The following ZNF211 variants were observed in gnomAD, a reference collection of about 807,000 sequenced individuals.
ZNF211 encodes the protein zinc finger protein 211.
In ZNF211, 18 loss-of-function variants were observed where a neutral mutation model predicts 12.1. The ratio of observed to expected loss-of-function variants is 1.48; its 90% confidence interval spans 1.03 to 2.20. The LOEUF (loss-of-function observed/expected upper bound fraction) is 2.20. ZNF211 is among the 30% of genes most tolerant of loss of function. The probability of loss-of-function intolerance (pLI) is 0.00; values close to 1 mark genes in which losing one functional copy is unlikely to be tolerated. For missense variants in ZNF211, 677 were observed against 703.1 expected, an observed-to-expected ratio of 0.96 and a Z score of 0.42; for synonymous variants, 249 against 246.0, an observed-to-expected ratio of 1.01 and a Z score of -0.11.
chr19:57,640,006 A>C, intron 3 of ZNF211: 4 of 1,536,034 alleles, frequency 2.6e-6, no homozygotes, highest in Non-Finnish European at 3.5e-6. Flanking sequence ...CAGCCTCAGC[A>C]AGATGGGATC....
At chr19:57,635,189 A>T (rs1981979271) in intron 3 of ZNF211, among the ~76,000 whole-genome samples, 1 of 152,224 alleles carries the variant, frequency 6.6e-6, no homozygotes, top group Admixed American at 6.5e-5. Flanking sequence ...CCGCAGAGAC[A>T]TTACACAGAC....
chr19:57,640,175 A>G, intron 3 of ZNF211: 2 of 1,285,016 alleles, frequency 1.6e-6, no homozygotes, highest in Non-Finnish European at 1.0e-6. Context: ...ACAGTTTACA[A>G]ACTTGTTATT....
Position 57,635,318 on chromosome 19 carries a change from C to A in ZNF211, c.256+563C>A, listed in dbSNP as rs539704160. 2.6e-5 allele frequency among the ~76,000 whole-genome samples: 4 copies of A among 152,296 alleles called. No individual in the cohort carries two copies. In the South Asian group the frequency reaches 8.3e-4, roughly 32 times the overall value. Reference sequence around the variant, plus strand: ...TATAGTTCAGCGCATTTAGTACATTCGCATTATTGTGCAACCATCACCACC... The same window carrying A: ...TATAGTTCAGCGCATTTAGTACATTAGCATTATTGTGCAACCATCACCACC... On this transcript the variant is annotated intron_variant, in intron 3 of 3. Transcript: ENST00000240731.
At position 57,642,093 on chromosome 19, in the gene ZNF211, C is replaced by T; in HGVS notation, c.1646C>T (p.Pro549Leu). 1.9e-6 allele frequency: 3 copies of T among 1,614,128 alleles called. No homozygotes were observed. Among genetic ancestry groups the T allele is most frequent in the Non-Finnish European group, 2.5e-6 (3 of 1,179,972 alleles). ...CGCAGAGTTCACACGGGAAAAAGGC[C>T]TTATCAGTGCAGTCAATGTGGGAAA... is the stretch of plus-strand genomic sequence containing the variant. ...QHRRVHTGKR[P>L]YQCSQCGKSF... is the part of the protein sequence containing the mutation. Residue 549 changes from proline (P) to leucine (L), a missense_variant, in exon 4 of 4, where the codon CCT becomes CTT. Transcript: ENST00000240731.
Position 57,642,314 on chromosome 19 carries a change from G to A in ZNF211, c.*133G>A. ...GTGGGCGGATTCCCCTTAAGTTCCA[G>A]GTATGTGTTACACTTTCTAACATGC... is the stretch of plus-strand genomic sequence containing the variant. On this transcript the variant is annotated 3_prime_UTR_variant, in exon 4 of 4. Coordinates refer to ENST00000240731, the MANE Select transcript of ZNF211 (RefSeq NM_006385.5). 9.9e-7 allele frequency: 1 copy of A among 1,012,594 alleles called. No individual in the cohort carries two copies. Among genetic ancestry groups the A allele is most frequent in the South Asian group, 1.7e-5 (1 of 57,454 alleles). The allele number at this position is 1,012,594 out of a possible 1,614,324, so 62.7% of individuals were successfully genotyped here. A position where few individuals can be genotyped will look rare whatever the true frequency, so the allele number is the denominator to read the frequency against.
intron 1 of ZNF211, 125 bp downstream of exon 1, chr19:57,633,561 C>G: frequency 6.7e-7 from 1 of 1,500,212 alleles, no homozygotes; most frequent in Non-Finnish European, 8.9e-7. Context: ...GCCCCTATTT[C>G]TGACATCCGA....
Position 57,641,528 on chromosome 19 carries a change from A to T in ZNF211, c.1081A>T (p.Lys361Ter), listed in dbSNP as rs775821806. The change falls in exon 4 of 4, where the codon AAA (lysine) becomes TAA (stop). Residue 361 changes from lysine (K) to a stop codon, truncating the protein, a stop_gained. Transcript: ENST00000240731. LOFTEE classifies it low-confidence loss of function (END_TRUNC). ...ERPYECGECG[K>*]SFSQRSNLMQ... ...GCCTTATGAATGTGGGGAATGTGGGAAATCTTTTAGCCAAAGGTCCAACCT... is the reference window on the plus strand; with the variant it reads ...GCCTTATGAATGTGGGGAATGTGGGTAATCTTTTAGCCAAAGGTCCAACCT... The T allele has an allele frequency of 6.2e-7, 1 of 1,614,208 alleles. No individual in the cohort carries two copies. The highest frequency in any genetic ancestry group is 1.7e-5 in the Admixed American group (1 of 60,022).
In ZNF211 at chr19:57,641,937, G is replaced by A; in HGVS notation, c.1490G>A (p.Ser497Asn). 1.9e-6 allele frequency: 3 copies of A among 1,614,122 alleles called. No homozygotes were observed. Among genetic ancestry groups the A allele is most frequent in the Non-Finnish European group, 2.5e-6 (3 of 1,180,024 alleles). The change falls in exon 4 of 4, where the codon AGT becomes AAT. Residue 497 changes from serine (S) to asparagine (N), a missense_variant. By Grantham distance (46) the Ser-to-Asn change is conservative. Transcript: ENST00000240731. ...VHTGERPVEC[S>N]ECSKSFSCKS... ...ACTGGAGAAAGACCTGTTGAGTGCA[G>A]TGAATGTAGCAAATCCTTTAGCTGT...
intron 3 of ZNF211, among the ~76,000 whole-genome samples, chr19:57,639,713 A>G (rs1982628710): frequency 1.3e-5 from 2 of 152,044 alleles, no homozygotes; most frequent in South Asian, 4.1e-4. Flanking sequence ...GGTGTGAGCC[A>G]CCACGCCCAG....
At position 57,640,908 on chromosome 19, in the gene ZNF211, G is replaced by A. The variant is rs1476268922; in HGVS notation, c.461G>A (p.Gly154Glu). 1 of 1,614,122 alleles carries A rather than the reference G, an allele frequency of 6.2e-7. No individual in the cohort carries two copies. Among genetic ancestry groups the A allele is most frequent in the Admixed American group, 1.7e-5 (1 of 60,008 alleles). The change falls in exon 4 of 4, where the codon GGA (glycine) becomes GAA (glutamate). Residue 154 changes from glycine (G) to glutamate (E), a missense_variant. By Grantham distance (98) the Gly-to-Glu change is moderately conservative (BLOSUM62 -2). Coordinates refer to ENST00000240731, the MANE Select transcript of ZNF211 (RefSeq NM_006385.5). ...TGCGGGCAGAAACTACACACATGTG[G>A]AAAACAATTCTACATCAGTGCAAAT... ...TNCGQKLHTC[G>E]KQFYISANLQ...
chr19:57,635,623 T>A (rs1982031954), intron 3 of ZNF211, among the ~76,000 whole-genome samples: 1 of 152,224 alleles, frequency 6.6e-6, no homozygotes, highest in Non-Finnish European at 1.5e-5. Flanking sequence ...TACAGTTTGT[T>A]TATCCATTCC....
At chr19:57,634,188 A>G (rs999489853) in intron 2 of ZNF211, 127 bp downstream of exon 2, 56 of 1,081,460 alleles carry the variant, frequency 5.2e-5, no homozygotes, top group Non-Finnish European at 6.3e-5. Flanking sequence ...TGGTTTGGGA[A>G]CCCTGGAGAA....
intron 3 of ZNF211, 161 bp downstream of exon 3, chr19:57,634,916 G>A (rs369038397): frequency 3.0e-6 from 3 of 985,122 alleles, no homozygotes; most frequent in African/African-American, 3.5e-5. Flanking sequence ...TTCCCTTATC[G>A]TCCCAGCCCA....
At position 57,641,477 on chromosome 19, in the gene ZNF211, C is replaced by T; in HGVS notation, c.1030C>T (p.His344Tyr). The T allele has an allele frequency of 6.2e-7, 1 of 1,610,984 alleles. No individual in the cohort carries two copies. Among genetic ancestry groups the T allele is most frequent in the Non-Finnish European group, 8.5e-7 (1 of 1,177,902 alleles). ...TAGTCAGATATACAGCCTCAATAGC[C>T]ATAGGAAAGTTCACACTGGAGAAAG... is the stretch of plus-strand genomic sequence containing the variant. ...SFSQIYSLNS[H>Y]RKVHTGERPY... The change falls in exon 4 of 4, where the codon CAT becomes TAT. Residue 344 changes from histidine (H) to tyrosine (Y), a missense_variant. Transcript: ENST00000240731.
chr19:57,642,154 G>C lies in ZNF211; in HGVS notation c.1707G>C (p.Gln569His), dbSNP rs746482908. The C allele has an allele frequency of 1.2e-6, 2 of 1,610,910 alleles. No homozygotes were observed. Among genetic ancestry groups the C allele is most frequent in the Admixed American group, 1.7e-5 (1 of 59,802 alleles). Residue 569 changes from glutamine (Q) to histidine (H), a missense_variant, in exon 4 of 4, where the codon CAG (glutamine) becomes CAC (histidine). By Grantham distance (24) the Gln-to-His change is conservative. Transcript: ENST00000240731. ...GCAAATCTGTCCTCATTCAACACCA[G>C]AGAGTTCACATTGGAGAAAAGCCTT... ...FGCKSVLIQH[Q>H]RVHIGEKP
rs1214292077 is a variant in ZNF211 at position 57,642,045 on chromosome 19, A to G, written c.1598A>G (p.Gln533Arg). 2 of 1,614,138 alleles carry G rather than the reference A, an allele frequency of 1.2e-6. No homozygotes were observed. Among genetic ancestry groups the G allele is most frequent in the Non-Finnish European group, 1.7e-6 (2 of 1,179,994 alleles). Residue 533 changes from glutamine (Q) to arginine (R), a missense_variant, in exon 4 of 4, where the codon CAA (glutamine) becomes CGA (arginine). Transcript: ENST00000240731. ...ECSECGKSFS[Q>R]SSSLIQHRRV... is the part of the protein sequence containing the mutation. ...AGTGAATGTGGGAAATCCTTTAGCC[A>G]AAGTTCTAGCCTCATTCAACACCGC... is the stretch of plus-strand genomic sequence containing the variant.
rs1983076033 is a variant in ZNF211, at chr19:57,642,241, A to T, written c.*60A>T. The stretch of plus-strand genomic sequence containing the variant: ...ATTATACTGAAGGAGTACACCTGTG[A>T]GAGAGACAAGTACCTGATTTGGAAG... On this transcript the variant is annotated 3_prime_UTR_variant, in exon 4 of 4. Transcript: ENST00000240731. 6.6e-7 allele frequency: 1 copy of T among 1,504,176 alleles called. No individual in the cohort carries two copies. The highest frequency in any genetic ancestry group is 8.9e-7 in the Non-Finnish European group (1 of 1,124,448). 93.2% of individuals were successfully genotyped at this position (1,504,176 alleles called of 1,614,324 possible).
In ZNF211 at chr19:57,640,770, C is replaced by G. The variant is rs150026835; in HGVS notation, c.323C>G (p.Pro108Arg). The change falls in exon 4 of 4, where the codon CCA becomes CGA. Residue 108 changes from proline (P) to arginine (R), a missense_variant. Transcript: ENST00000240731. ...SEQRISGERV[P>R]QFRTSKEGSS... ...CAGAGAATTTCTGGAGAAAGAGTGC[C>G]ACAGTTCAGGACTTCCAAAGAAGGT... 156 of 1,614,160 alleles carry G rather than the reference C, an allele frequency of 9.7e-5. No individual in the cohort carries two copies. In the African/African-American group the frequency reaches 1.8e-3, roughly 18 times the overall value.
At chr19:57,638,354 T>C (rs931329986) in intron 3 of ZNF211, among the ~76,000 whole-genome samples, 1 of 152,202 alleles carries the variant, frequency 6.6e-6, no homozygotes, top group Non-Finnish European at 1.5e-5. Flanking sequence ...TTCCTCTTTT[T>C]ATAATCCCTT....
Sources: gnomAD v4.1 joint callset for allele counts (sites outside exome capture counted in the v4.1 genomes callset) on GRCh38, gnomAD v4.1.1 for gene constraint, MANE v1.5 for transcripts, NCBI Gene and HGNC (gene_info 2026-07-23, HGNC 2026-07-21) for gene names.